XRCC5: variants seen among roughly 807,000 people sequenced by gnomAD.
The protein encoded by XRCC5 is X-ray repair cross complementing 5, also known as DNA repair protein Ku80.
In XRCC5, 12 loss-of-function variants were observed where a neutral mutation model predicts 95.7. The observed-to-expected ratio is 0.13, with a 90% CI of 0.08 to 0.20. XRCC5 has a LOEUF of 0.20. Ranked by LOEUF, XRCC5 falls within the 10% of genes least tolerant of loss-of-function variation. The pLI, the probability that XRCC5 is intolerant of heterozygous loss-of-function variation, is 1.00. For missense variants in XRCC5, 595 were observed against 873.9 expected (o/e 0.68, Z 4.02); for synonymous variants, 281 against 290.3 (o/e 0.97, Z 0.33).
chr2:216,186,719 G>A (rs537410561), intron 16 of XRCC5, among the ~76,000 whole-genome samples: 6 of 152,204 alleles, frequency 3.9e-5, no homozygotes, highest in African/African-American at 1.2e-4. Flanking sequence ...AAGCATTTTG[G>A]TGAATTATAA....
rs1274434803 is a variant in XRCC5 at position 216,137,698 on chromosome 2, T to G, written c.1252-391T>G. ...GTGAAACGGTTTATTTAGGGCTCTC[T>G]TGTGTAAAATACAGTTCTAAATTCC... On this transcript the variant is annotated intron_variant, in intron 11 of 20. Transcript: ENST00000392132. Among the ~76,000 whole-genome samples, 3 of 152,328 alleles carry G rather than the reference T, an allele frequency of 2.0e-5. No homozygotes were observed. The East Asian group carries it at 5.8e-4, about 29-fold the overall frequency.
chr2:216,155,779 A>C (rs1053877026), intron 14 of XRCC5, among the ~76,000 whole-genome samples: 1 of 152,234 alleles, frequency 6.6e-6, no homozygotes, highest in African/African-American at 2.4e-5. Flanking sequence ...ACTTAATAAA[A>C]ATATATACAC....
At chr2:216,152,323 C>G (rs1019531439) in intron 14 of XRCC5, among the ~76,000 whole-genome samples, 3 of 152,048 alleles carry the variant, frequency 2.0e-5, no homozygotes, top group Non-Finnish European at 4.4e-5. Flanking sequence ...AGCCTGTAAT[C>G]CAGCCACTCG....
intron 16 of XRCC5, among the ~76,000 whole-genome samples, chr2:216,185,856 C>T (rs1421287406): frequency 2.0e-5 from 3 of 152,036 alleles, no homozygotes; most frequent in African/African-American, 7.3e-5. Flanking sequence ...AACTCCTGAC[C>T]TCAAGTGATC....
rs77485864 is a variant in XRCC5 at position 216,174,881 on chromosome 2, C to G, written c.1834+12833C>G. 743 of 319,386 alleles carry G rather than the reference C, an allele frequency of 2.3e-3. 20 individuals carry two copies. The East Asian group carries it at 0.046, about 20-fold the overall frequency. The allele number at this position is 319,386 out of a possible 1,614,324, so 19.8% of individuals were successfully genotyped here. The stretch of plus-strand genomic sequence containing the variant: ...TTTCTCCTGCTAAGAATTGTAGCCC[C>G]TCTCTGCTGTTTTTAGAACCTTCTG... On this transcript the variant is annotated intron_variant, in intron 16 of 20. Coordinates refer to ENST00000392132, the MANE Select transcript of XRCC5 (RefSeq NM_021141.4).
chr2:216,188,362 A>C (rs1024603362), intron 16 of XRCC5, among the ~76,000 whole-genome samples: 20 of 152,338 alleles, frequency 1.3e-4, no homozygotes, highest in Admixed American at 4.6e-4. Flanking sequence ...TCCCTATTCA[A>C]CTGCAAACTC....
Position 216,160,129 on chromosome 2 carries a change from G to T in XRCC5, c.1732G>T (p.Val578Phe). 1.2e-6 allele frequency: 2 copies of T among 1,608,346 alleles called. No individual in the cohort carries two copies. The highest frequency in any genetic ancestry group is 2.2e-5 in the South Asian group (2 of 90,438). Residue 578 changes from valine (V) to phenylalanine (F), a missense_variant, in exon 15 of 21, where the codon GTC becomes TTC. Coordinates refer to ENST00000392132, the MANE Select transcript of XRCC5 (RefSeq NM_021141.4). Reference protein sequence around the residue: ...KTEQGGAHFSVSSLAEGSVTS... With the variant: ...KTEQGGAHFSFSSLAEGSVTS... ...TGAGCAAGGGGGAGCCCACTTCAGCGTCTCCAGTCTGGCTGAAGGCAGTGT... is the reference window on the plus strand; with the variant it reads ...TGAGCAAGGGGGAGCCCACTTCAGCTTCTCCAGTCTGGCTGAAGGCAGTGT...
At chr2:216,127,118 T>G (rs1204210240) in intron 7 of XRCC5, among the ~76,000 whole-genome samples, 1 of 152,130 alleles carries the variant, frequency 6.6e-6, no homozygotes, top group East Asian at 1.9e-4. Context: ...TGTGCGTCTG[T>G]AGTCCCAGCT....
Position 216,206,132 on chromosome 2 carries a change from T to A in XRCC5, c.*930T>A, listed in dbSNP as rs1312404550. The A allele has an allele frequency of 2.0e-5, 3 of 152,210 alleles. No homozygotes were observed. Among genetic ancestry groups the A allele is most frequent in the African/African-American group, 7.2e-5 (3 of 41,446 alleles). 9.4% of individuals were successfully genotyped at this position (152,210 alleles called of 1,614,324 possible). On this transcript the variant is annotated 3_prime_UTR_variant, in exon 21 of 21. Transcript: ENST00000392132. Reference sequence around the variant, plus strand: ...GAAAATAACAAAGCCCTTATTCTCTTTTTTTCTTGTCCTCATTCTTGCCTT... The same window carrying A: ...GAAAATAACAAAGCCCTTATTCTCTATTTTTCTTGTCCTCATTCTTGCCTT...
intron 13 of XRCC5, among the ~76,000 whole-genome samples, chr2:216,145,814 T>G (rs1035758129): frequency 6.6e-6 from 1 of 152,216 alleles, no homozygotes; most frequent in Non-Finnish European, 1.5e-5. Context: ...AGGATACTTG[T>G]CCATTGGTTG....
At chr2:216,181,130 C>T (rs1365983113) in intron 16 of XRCC5, among the ~76,000 whole-genome samples, 1 of 152,070 alleles carries the variant, frequency 6.6e-6, no homozygotes. Context: ...TCTTCATTGG[C>T]ATTTCTGACA....
chr2:216,141,540 C>CTTTTCT (rs1697169556), intron 13 of XRCC5, among the ~76,000 whole-genome samples: 2 of 65,004 alleles, frequency 3.1e-5, no homozygotes, highest in Admixed American at 2.1e-4. Context: ...TCTTTCTTTT[C>CTTTTCT]TTTTTTTTTT....
At chr2:216,126,960 T>C (rs1696909211) in intron 7 of XRCC5, among the ~76,000 whole-genome samples, 1 of 152,146 alleles carries the variant, frequency 6.6e-6, no homozygotes, top group African/African-American at 2.4e-5. Context: ...CTCTTTTTAT[T>C]AAACAGTCTG....
chr2:216,161,919 C>T, intron 15 of XRCC5, 60 bp from the exon 16 acceptor site: 1 of 1,432,494 alleles, frequency 7.0e-7, no homozygotes, highest in Non-Finnish European at 9.8e-7. Context: ...CTTGTATTGC[C>T]TGGGGTGCTG....
At chr2:216,151,621 T>C (rs934865530) in intron 14 of XRCC5, among the ~76,000 whole-genome samples, 1 of 152,230 alleles carries the variant, frequency 6.6e-6, no homozygotes, top group South Asian at 2.1e-4. Context: ...ATAATAGGAA[T>C]ATCTGTCTTA....
intron 8 of XRCC5, among the ~76,000 whole-genome samples, chr2:216,128,198 A>G (rs1360873494): frequency 1.3e-5 from 2 of 152,182 alleles, no homozygotes; most frequent in Non-Finnish European, 2.9e-5. Context: ...TCTAGATGGC[A>G]TCTTTATCCA....
intron 4 of XRCC5, among the ~76,000 whole-genome samples, chr2:216,118,316 A>G (rs1417878078): frequency 6.6e-6 from 1 of 151,986 alleles, no homozygotes; most frequent in Non-Finnish European, 1.5e-5. Flanking sequence ...AGCTGGGACT[A>G]CAGGTGCACA....
chr2:216,145,184 AAG>A (rs1462248613), intron 13 of XRCC5, among the ~76,000 whole-genome samples: 3 of 152,142 alleles, frequency 2.0e-5, no homozygotes, highest in Non-Finnish European at 2.9e-5. Context: ...GGGAGAGAGA[AAG>A]AGAGGACACA....
chr2:216,127,505 C>T (rs1696917702), intron 7 of XRCC5, 31 bp from the exon 8 acceptor site: 1 of 1,563,824 alleles, frequency 6.4e-7, no homozygotes, highest in East Asian at 2.3e-5. Context: ...CCTAACTTTC[C>T]TTGTTTTCCC....
Sources: gnomAD v4.1 joint callset for allele counts (sites outside exome capture counted in the v4.1 genomes callset) on GRCh38, gnomAD v4.1.1 for gene constraint, MANE v1.5 for transcripts, NCBI Gene and HGNC (gene_info 2026-07-23, HGNC 2026-07-21) for gene names.